GRM7: variants seen among roughly 807,000 people sequenced by gnomAD.
GRM7 encodes the protein metabotropic glutamate receptor 7.
A neutral mutation model predicts 84.5 loss-of-function variants in GRM7; 35 were observed. The ratio of observed to expected loss-of-function variants is 0.41; its 90% confidence interval spans 0.32 to 0.55. The LOEUF (loss-of-function observed/expected upper bound fraction) is 0.55. Among genes scored for constraint, GRM7 ranks in the 20% least tolerant of loss-of-function variants. GRM7 has a pLI of 0.19. For synonymous variants in GRM7, 487 were observed against 455.1 expected, an observed-to-expected ratio of 1.07 and a Z score of -0.89; for missense variants, 1,003 against 1,194.6, an observed-to-expected ratio of 0.84 and a Z score of 2.36.
chr3:7,598,993 T>C (rs1696181959), intron 8 of GRM7, among the ~76,000 whole-genome samples: 1 of 152,116 alleles, frequency 6.6e-6, no homozygotes, highest in South Asian at 2.1e-4. Context: ...CTCCATAAAT[T>C]CCTCTTGAAA....
intron 1 of GRM7, among the ~76,000 whole-genome samples, chr3:6,950,277 C>G (rs534393766): frequency 5.3e-5 from 8 of 152,292 alleles, no homozygotes; most frequent in Admixed American, 5.2e-4. Flanking sequence ...TTCTAATAGT[C>G]AGGACCCTCA....
intron 1 of GRM7, among the ~76,000 whole-genome samples, chr3:7,029,342 A>G (rs1216245898): frequency 2.0e-5 from 3 of 151,756 alleles, no homozygotes; most frequent in Admixed American, 6.6e-5. Context: ...CAAAAAAAAC[A>G]TGAATAAGCA....
chr3:7,633,185 G>A (rs940748727), intron 8 of GRM7, among the ~76,000 whole-genome samples: 4 of 152,224 alleles, frequency 2.6e-5, no homozygotes, highest in Non-Finnish European at 5.9e-5. Context: ...TTGTGGCCAG[G>A]TGCTGCCAAG....
chr3:6,862,054 C>A lies in GRM7; in HGVS notation c.519+147C>A. 1.5e-6 allele frequency: 1 copy of A among 647,548 alleles called. No homozygotes were observed. Among genetic ancestry groups the A allele is most frequent in the Non-Finnish European group, 2.6e-6 (1 of 378,294 alleles). 40.1% of individuals were successfully genotyped at this position (647,548 alleles called of 1,614,324 possible). A position where few individuals can be genotyped will look rare whatever the true frequency, so the allele number is the denominator to read the frequency against. On this transcript the variant is annotated intron_variant, in intron 1 of 9. Transcript: ENST00000357716. The surrounding 1 kb of genome is among the most constrained non-coding windows in gnomAD (Gnocchi z 5.2). ...ATCCTGCCGAATCCCTCCCACCCCG[C>A]TCGAGGAGATACCTTCCCTGCTTGG...
intron 4 of GRM7, among the ~76,000 whole-genome samples, chr3:7,375,921 C>T (rs1218354761): frequency 6.6e-6 from 1 of 152,080 alleles, no homozygotes; most frequent in Non-Finnish European, 1.5e-5. Context: ...TTCCTTATAT[C>T]TGCGTTCCCT....
intron 1 of GRM7, among the ~76,000 whole-genome samples, chr3:6,899,031 A>T (rs1256806865): frequency 1.3e-5 from 2 of 152,148 alleles, no homozygotes; most frequent in Non-Finnish European, 2.9e-5. Context: ...AAATAGGGGC[A>T]AAATCTAGCT....
chr3:7,127,524 G>A (rs928196444), intron 1 of GRM7, among the ~76,000 whole-genome samples: 4 of 152,118 alleles, frequency 2.6e-5, no homozygotes, highest in African/African-American at 9.7e-5. Flanking sequence ...CTCCCTGTTA[G>A]TATTCTTTAG....
intron 7 of GRM7, among the ~76,000 whole-genome samples, chr3:7,495,993 AT>A (rs1699689291): frequency 6.6e-6 from 1 of 152,202 alleles, no homozygotes; most frequent in African/African-American, 2.4e-5. Context: ...TATAAAACAT[AT>A]TTTTATGGCC....
At chr3:7,238,840 TCCCC>T (rs1697442027) in intron 2 of GRM7, among the ~76,000 whole-genome samples, 3 of 145,320 alleles carry the variant, frequency 2.1e-5, no homozygotes, top group African/African-American at 7.6e-5. Flanking sequence ...TCCCCTCCCC[TCCCC>T]TCTTCCTTTC....
chr3:7,260,494 G>C (rs992383860), intron 2 of GRM7, among the ~76,000 whole-genome samples: 2 of 152,128 alleles, frequency 1.3e-5, no homozygotes, highest in African/African-American at 4.8e-5. Flanking sequence ...TGTGCATAAA[G>C]GTGTTCACAG....
Position 7,415,030 on chromosome 3 carries a change from T to G in GRM7, c.1041T>G (p.Asp347Glu). The G allele has an allele frequency of 6.2e-7, 1 of 1,612,392 alleles. No homozygotes were observed. The highest frequency in any genetic ancestry group is 1.1e-5 in the South Asian group (1 of 90,994). Residue 347 changes from aspartate (D) to glutamate (E), a missense_variant, in exon 5 of 10, where the codon GAT (aspartate) becomes GAG (glutamate). By Grantham distance (45) the Asp-to-Glu change is conservative. Around this residue, in one of 2 missense-constraint regions of GRM7, gnomAD observed 910 missense variants for 1,126.0 expected, o/e 0.81. Transcript: ENST00000357716. ...TCATTTAACTCTGTTTAGGGTTTGATGCCTACTTTACGTCCCGTACACTTG... is the reference window on the plus strand; with the variant it reads ...TCATTTAACTCTGTTTAGGGTTTGAGGCCTACTTTACGTCCCGTACACTTG... ...QPKRATVEGF[D>E]AYFTSRTLEN...
intron 7 of GRM7, chr3:7,561,291 C>A (rs1694016160): frequency 8.0e-6 from 2 of 248,712 alleles, no homozygotes; most frequent in Admixed American, 9.2e-5. Flanking sequence ...AACTGGGTCA[C>A]ACTTACATCT....
At chr3:7,654,404 A>T (rs1436631488) in intron 8 of GRM7, among the ~76,000 whole-genome samples, 2 of 151,646 alleles carry the variant, frequency 1.3e-5, no homozygotes, top group African/African-American at 2.4e-5. Context: ...AGCATCACCC[A>T]CTCCAGTCAC....
intron 1 of GRM7, among the ~76,000 whole-genome samples, chr3:6,900,139 A>G (rs1007014580): frequency 5.9e-5 from 9 of 152,198 alleles, no homozygotes; most frequent in South Asian, 2.1e-4. Flanking sequence ...AGAGATGGCA[A>G]TTTGGGAACA....
chr3:7,388,114 T>G (rs1166786443), intron 4 of GRM7, among the ~76,000 whole-genome samples: 1 of 152,106 alleles, frequency 6.6e-6, no homozygotes, highest in Non-Finnish European at 1.5e-5. Flanking sequence ...GGATAGAAAT[T>G]CTACTACTTT....
At chr3:7,043,850 C>T (rs761270816) in intron 1 of GRM7, among the ~76,000 whole-genome samples, 72 of 152,138 alleles carry the variant, frequency 4.7e-4, no homozygotes, top group Admixed American at 1.5e-3. Flanking sequence ...CTACCCAGCA[C>T]CCTGCTCCGC....
intron 8 of GRM7, among the ~76,000 whole-genome samples, chr3:7,663,290 A>G (rs1037924952): frequency 3.3e-4 from 51 of 152,318 alleles, no homozygotes; most frequent in Middle Eastern, 3.4e-3. Flanking sequence ...AAGCTGCCTT[A>G]TGGAGCTGTC....
chr3:7,087,181 A>G (rs1003209563), intron 1 of GRM7, among the ~76,000 whole-genome samples: 5 of 152,180 alleles, frequency 3.3e-5, no homozygotes, highest in African/African-American at 9.7e-5. Flanking sequence ...TTTAGTGGTT[A>G]AGATATTTGG....
chr3:6,887,239 TA>T (rs1205792694), intron 1 of GRM7, among the ~76,000 whole-genome samples: 1 of 152,084 alleles, frequency 6.6e-6, no homozygotes, highest in African/African-American at 2.4e-5. Context: ...TTTATTTTAT[TA>T]TTATTATGCT....
Sources: gnomAD v4.1 joint callset for allele counts (sites outside exome capture counted in the v4.1 genomes callset) on GRCh38, gnomAD v4.1.1 for gene constraint, gnomAD v4.1.1 regional missense constraint, Gnocchi (gnomAD v3.1) non-coding constraint, MANE v1.5 for transcripts, NCBI Gene and HGNC (gene_info 2026-07-23, HGNC 2026-07-21) for gene names.